The following EIF2AK4 variants were observed in gnomAD, a reference collection of about 807,000 sequenced individuals.
EIF2AK4 encodes the protein eIF-2-alpha kinase GCN2.
A neutral mutation model predicts 211.1 loss-of-function variants in EIF2AK4; 139 were observed. That is an observed-to-expected ratio of 0.66 (90% CI 0.57 to 0.76). EIF2AK4 has a LOEUF of 0.76. Among genes scored for constraint, EIF2AK4 ranks in the 30% least tolerant of loss-of-function variants. The pLI, the probability that EIF2AK4 is intolerant of heterozygous loss-of-function variation, is 0.00. For missense variants in EIF2AK4, 1,664 were observed against 2,043.8 expected, an observed-to-expected ratio of 0.81 and a Z score of 3.58; for synonymous variants, 710 against 751.3, an observed-to-expected ratio of 0.94 and a Z score of 0.90.
intron 9 of EIF2AK4, among the ~76,000 whole-genome samples, chr15:39,968,365 A>G (rs112604481): frequency 8.5e-5 from 13 of 152,344 alleles, no homozygotes; most frequent in Admixed American, 2.6e-4. Flanking sequence ...AGGAGTTTCA[A>G]TACCTGTAAA....
At position 39,998,721 on chromosome 15, in the gene EIF2AK4, AT is replaced by A. The variant is rs770489411; in HGVS notation, c.2869-3del. On this transcript the variant is annotated splice_polypyrimidine_tract_variant and intron_variant, in intron 19 of 38. Coordinates refer to ENST00000263791, the MANE Select transcript of EIF2AK4 (RefSeq NM_001013703.4). ...GCCAAAACCTTGCTGATTTGAATAT[AT>A]TTTTTTAGCCCACTTCGCCTAAGTT... 4 of 1,610,934 alleles carry A rather than the reference AT, an allele frequency of 2.5e-6. No homozygotes were observed. The highest frequency in any genetic ancestry group is 2.2e-5 in the East Asian group (1 of 44,776).
chr15:40,016,699 T>A (rs770294345), intron 28 of EIF2AK4, 27 bp downstream of exon 28: 1 of 1,609,482 alleles, frequency 6.2e-7, no homozygotes, highest in Non-Finnish European at 8.5e-7. Context: ...ATACTGGCAG[T>A]ACAAATGTGT....
rs773939846 is a variant in EIF2AK4, at chr15:40,008,111, C to T, written c.3492C>T (p.Val1164=). 5 of 1,613,008 alleles carry T rather than the reference C, an allele frequency of 3.1e-6. No individual in the cohort carries two copies. The highest frequency in any genetic ancestry group is 2.5e-6 in the Non-Finnish European group (3 of 1,179,546). Residue 1164 remains valine (V), a synonymous_variant, in exon 25 of 39, where the codon GTC becomes GTT. Transcript: ENST00000263791. ...TTCTGGAGTGTGCATTTGATATTGTCACTTCTACCACCAACAGCTTTCTGC... is the reference window on the plus strand; with the variant it reads ...TTCTGGAGTGTGCATTTGATATTGTTACTTCTACCACCAACAGCTTTCTGC... The part of the protein sequence containing the change: ...KELLECAFDI[V]TSTTNSFLPT...
chr15:40,007,033 T>C lies in EIF2AK4; in HGVS notation c.3375T>C (p.Tyr1125=). 1 of 1,598,316 alleles carries C rather than the reference T, an allele frequency of 6.3e-7. No homozygotes were observed. Among genetic ancestry groups the C allele is most frequent in the Non-Finnish European group, 8.6e-7 (1 of 1,166,766 alleles). Residue 1125 remains tyrosine, a synonymous_variant, in exon 24 of 39, where the codon TAT becomes TAC. Transcript: ENST00000263791. ...TTTTTCAGATCCCTTTTGCAAGATATGTGGCAAGAAATAATATATTGAATT... is the reference window on the plus strand; with the variant it reads ...TTTTTCAGATCCCTTTTGCAAGATACGTGGCAAGAAATAATATATTGAATT... The part of the protein sequence containing the change: ...PFDLRIPFAR[Y]VARNNILNLK...
chr15:40,033,972 G>A (rs1161590810), intron 37 of EIF2AK4, among the ~76,000 whole-genome samples: 4 of 150,622 alleles, frequency 2.7e-5, no homozygotes, highest in Admixed American at 1.3e-4. Flanking sequence ...AGGTTGCAGT[G>A]AGCCGAGATT....
chr15:39,935,072 A>C (rs189859890), intron 1 of EIF2AK4, among the ~76,000 whole-genome samples: 3 of 152,162 alleles, frequency 2.0e-5, no homozygotes. Flanking sequence ...AAAAAACCTC[A>C]ATGTTTTAAG....
At chr15:39,992,566 A>T in intron 17 of EIF2AK4, 1 of 594,864 alleles carries the variant, frequency 1.7e-6, no homozygotes, top group Non-Finnish European at 3.0e-6. Context: ...TCAATAGCAA[A>T]GACATCCTTG....
At chr15:40,002,477 T>C in intron 21 of EIF2AK4, 2 of 454,916 alleles carry the variant, frequency 4.4e-6, no homozygotes, top group African/African-American at 2.0e-5. Context: ...GAATTTGGAC[T>C]TTGAACCCAG....
chr15:39,985,740 G>T, intron 13 of EIF2AK4, 65 bp from the exon 14 acceptor site: 1 of 1,510,046 alleles, frequency 6.6e-7, no homozygotes, highest in East Asian at 2.3e-5. Context: ...AATACTTAAT[G>T]ATGGTGATGA....
At chr15:40,017,699 C>T (rs1021636443) in intron 29 of EIF2AK4, among the ~76,000 whole-genome samples, 2 of 150,662 alleles carry the variant, frequency 1.3e-5, no homozygotes, top group Non-Finnish European at 3.0e-5. Flanking sequence ...GCATGCACCA[C>T]CACACCCAGC....
rs73384374 is a variant in EIF2AK4, at chr15:39,946,661, T to C, written c.361-2455T>C. On this transcript the variant is annotated intron_variant, in intron 3 of 38. Transcript: ENST00000263791. ...GTGACTCAAAGGCTATCAAACAGCA[T>C]TGAATGCTACAGAGAAATCTTCCAT... 4,099 of 700,504 alleles carry C rather than the reference T, an allele frequency of 5.9e-3. 120 individuals are homozygous for C. In the African/African-American group the frequency reaches 0.062, roughly 11 times the overall value. The allele number at this position is 700,504 out of a possible 1,614,324, so 43.4% of individuals were successfully genotyped here.
At chr15:40,029,235 C>T (rs12324776) in intron 33 of EIF2AK4, 171 bp from the exon 34 acceptor site, 1 of 891,376 alleles carries the variant, frequency 1.1e-6, no homozygotes, top group Non-Finnish European at 1.3e-6. Flanking sequence ...TGCTCTTGAC[C>T]AAAGCATAAC....
intron 18 of EIF2AK4, among the ~76,000 whole-genome samples, chr15:39,996,052 T>C (rs1456295116): frequency 6.6e-6 from 1 of 152,176 alleles, no homozygotes; most frequent in African/African-American, 2.4e-5. Context: ...CATTCTGTTC[T>C]CTGTTACTGT....
At chr15:39,996,908 GGTA>G in intron 18 of EIF2AK4, 53 bp from the exon 19 acceptor site, 1 of 1,228,428 alleles carries the variant, frequency 8.1e-7, no homozygotes, top group East Asian at 2.3e-5. Context: ...ATAATTCCCT[GGTA>G]AATTATACTT....
chr15:40,022,764 C>G (rs557549238), intron 32 of EIF2AK4, among the ~76,000 whole-genome samples, 159 bp downstream of exon 32: 33 of 151,574 alleles, frequency 2.2e-4, no homozygotes, highest in Non-Finnish European at 4.1e-4. Context: ...GAGACGGAGT[C>G]TCGCTGTCTC....
At chr15:39,996,918 A>G (rs544311178) in intron 18 of EIF2AK4, 46 bp from the exon 19 acceptor site, 1 of 1,321,458 alleles carries the variant, frequency 7.6e-7, no homozygotes, top group South Asian at 1.2e-5. Flanking sequence ...GGTAAATTAT[A>G]CTTTCATATC....
chr15:40,008,201 T>C lies in EIF2AK4; in HGVS notation c.3576+6T>C. On this transcript the variant is annotated splice_donor_region_variant and intron_variant, in intron 25 of 38. Coordinates refer to ENST00000263791, the MANE Select transcript of EIF2AK4 (RefSeq NM_001013703.4). ...AAGAGTTTCCAGCACTTCAGGTTCC[T>C]TTCCATATTTTAACATTCCAAGATT... The C allele has an allele frequency of 6.3e-7, 1 of 1,582,628 alleles. No individual in the cohort carries two copies. Among genetic ancestry groups the C allele is most frequent in the African/African-American group, 1.4e-5 (1 of 73,472 alleles).
intron 31 of EIF2AK4, chr15:40,022,016 T>C (rs2035394544): frequency 6.6e-6 from 1 of 152,536 alleles, no homozygotes; most frequent in Non-Finnish European, 1.5e-5. Context: ...ATTAGAGAAG[T>C]GTTCTGTCCT....
At chr15:39,961,056 T>C (rs2034464891) in intron 6 of EIF2AK4, among the ~76,000 whole-genome samples, 1 of 152,134 alleles carries the variant, frequency 6.6e-6, no homozygotes, top group African/African-American at 2.4e-5. Context: ...TCTCCCCTAA[T>C]TTATTGTTTT....
Sources: gnomAD v4.1 joint callset for allele counts (sites outside exome capture counted in the v4.1 genomes callset) on GRCh38, gnomAD v4.1.1 for gene constraint, MANE v1.5 for transcripts, NCBI Gene and HGNC (gene_info 2026-07-23, HGNC 2026-07-21) for gene names.